ASTN2: variants seen among roughly 807,000 people sequenced by gnomAD.
ASTN2 encodes astrotactin-2.
ASTN2 carries 54 observed loss-of-function variants against 139.8 expected under a neutral mutation model. The observed-to-expected ratio is 0.39, with a 90% CI of 0.31 to 0.48. The LOEUF (loss-of-function observed/expected upper bound fraction) is 0.48, where lower values mean the gene tolerates loss of function less well. Ranked by LOEUF, ASTN2 falls within the 20% of genes least tolerant of loss-of-function variation. The pLI, the probability that ASTN2 is intolerant of heterozygous loss-of-function variation, is 0.95. For synonymous variants in ASTN2, 756 were observed against 719.5 expected (o/e 1.05, Z -0.81); for missense variants, 1,565 against 1,725.1 (o/e 0.91, Z 1.64).
chr9:117,234,852 A>G (rs1299172171), intron 2 of ASTN2, among the ~76,000 whole-genome samples: 3 of 152,196 alleles, frequency 2.0e-5, no homozygotes, highest in Non-Finnish European at 4.4e-5. Flanking sequence ...GTCAGACTCA[A>G]GACAGAAAGC....
In ASTN2 at chr9:116,458,672, T is replaced by TA. The variant is rs538486908; in HGVS notation, c.3498-16120dup. Reference sequence around the variant, plus strand: ...GTATTAAAAACTGTATTTACAGAATTAAAAAAAACACTTAGGAATAAATTT... The same window carrying TA: ...GTATTAAAAACTGTATTTACAGAATTAAAAAAAAACACTTAGGAATAAATTT... On this transcript the variant is annotated intron_variant, in intron 20 of 22. Coordinates refer to ENST00000313400, the MANE Select transcript of ASTN2 (RefSeq NM_001365068.1). Among the ~76,000 whole-genome samples, 269 of 151,694 alleles carry TA rather than the reference T, an allele frequency of 1.8e-3. 1 individual carries two copies. Among genetic ancestry groups the TA allele is most frequent in the Middle Eastern group, 6.8e-3 (2 of 292 alleles).
rs534847954 is a variant in ASTN2, at chr9:116,737,998, C to G, written c.2397-4475G>C. Among the ~76,000 whole-genome samples the G allele has an allele frequency of 2.4e-3, 356 of 150,444 alleles. 2 individuals are homozygous for G. The highest frequency in any genetic ancestry group is 8.0e-3 in the African/African-American group (326 of 40,922). ...ACGAGGTCAGGAGATCGAGACCATC[C>G]TGGCTAACACGGTGAAACCCCGTCT... On this transcript the variant is annotated intron_variant, in intron 13 of 22. Transcript: ENST00000313400.
chr9:117,001,043 G>C (rs1837177479), intron 7 of ASTN2, among the ~76,000 whole-genome samples: 1 of 152,136 alleles, frequency 6.6e-6, no homozygotes, highest in African/African-American at 2.4e-5. Flanking sequence ...AATGGGCTGT[G>C]GCATGCAGCC....
chr9:116,834,142 C>T (rs377689578), intron 11 of ASTN2, among the ~76,000 whole-genome samples: 6 of 152,210 alleles, frequency 3.9e-5, no homozygotes, highest in Non-Finnish European at 8.8e-5. Flanking sequence ...TTGATTCTAT[C>T]GTGGTCAGAG....
rs375917630 is a variant in ASTN2, at chr9:116,895,880, TA to T, written c.1890-32148del. 2.0e-4 allele frequency among the ~76,000 whole-genome samples: 31 copies of T among 152,020 alleles called. 1 individual carries two copies. The highest frequency in any genetic ancestry group is 6.8e-4 in the African/African-American group (28 of 41,480). ...TTATTATTTTAGTCATGTCTTTACA[TA>T]AAAAAAGGGAGTGGAATTAGGTTAT... On this transcript the variant is annotated intron_variant, in intron 10 of 22. Transcript: ENST00000313400.
At chr9:116,873,491 T>C (rs1240156243) in intron 10 of ASTN2, among the ~76,000 whole-genome samples, 1 of 152,038 alleles carries the variant, frequency 6.6e-6, no homozygotes, top group African/African-American at 2.4e-5. Context: ...AGGCCTCCAG[T>C]GCAGAGGGTG....
intron 2 of ASTN2, among the ~76,000 whole-genome samples, chr9:117,245,599 G>A (rs536777269): frequency 6.6e-6 from 1 of 152,308 alleles, no homozygotes; most frequent in Admixed American, 6.5e-5. Flanking sequence ...AGGGCCAGGA[G>A]GCAGAAGGTC....
rs146435139 is a variant in ASTN2, at chr9:116,573,813, C to G, written c.3355+44511G>C. 6.4e-4 allele frequency among the ~76,000 whole-genome samples: 97 copies of G among 152,294 alleles called. 1 individual carries two copies. Among genetic ancestry groups the G allele is most frequent in the East Asian group, 2.1e-3 (11 of 5,194 alleles). On this transcript the variant is annotated intron_variant, in intron 19 of 22. Transcript: ENST00000313400. ...TGACAGCAACACTCAATACCAGGCA[C>G]CTCTCTATAAACCATATACAACTTC...
At chr9:116,724,904 C>A (rs60477877) in intron 16 of ASTN2, among the ~76,000 whole-genome samples, 19,440 of 152,154 alleles carry the variant, frequency 0.13, 1,451 homozygotes, top group Non-Finnish European at 0.17. Context: ...GCCTTGGGTT[C>A]CAATCCTGAC....
chr9:116,646,655 A>C (rs1857604216), intron 17 of ASTN2, among the ~76,000 whole-genome samples: 1 of 152,046 alleles, frequency 6.6e-6, no homozygotes, highest in African/African-American at 2.4e-5. Context: ...CTGTCATGAC[A>C]CTTTAAACAG....
At chr9:117,238,607 G>C (rs1040785359) in intron 2 of ASTN2, among the ~76,000 whole-genome samples, 8 of 152,200 alleles carry the variant, frequency 5.3e-5, no homozygotes, top group Admixed American at 1.3e-4. Flanking sequence ...AGCACCTTCA[G>C]TGATGAGAAA....
At chr9:117,228,088 C>T (rs1832772114) in intron 2 of ASTN2, among the ~76,000 whole-genome samples, 1 of 152,054 alleles carries the variant, frequency 6.6e-6, no homozygotes, top group Non-Finnish European at 1.5e-5. Flanking sequence ...GCCTCAGTTT[C>T]CCCAGGTTTA....
intron 4 of ASTN2, among the ~76,000 whole-genome samples, chr9:117,138,520 G>A (rs1830003240): frequency 6.6e-6 from 1 of 152,224 alleles, no homozygotes; most frequent in Non-Finnish European, 1.5e-5. Flanking sequence ...GCAAGCCAAG[G>A]TGCAGAGCTT....
chr9:117,121,396 C>A (rs1829554181), intron 4 of ASTN2, among the ~76,000 whole-genome samples: 1 of 152,176 alleles, frequency 6.6e-6, no homozygotes, highest in South Asian at 2.1e-4. Context: ...GCCATAACAT[C>A]CCTTGCAAAA....
At chr9:117,043,570 T>A (rs1047112177) in intron 5 of ASTN2, among the ~76,000 whole-genome samples, 1 of 152,112 alleles carries the variant, frequency 6.6e-6, no homozygotes, top group Non-Finnish European at 1.5e-5. Context: ...CTAAATTGTG[T>A]CTCCTATGTC....
At chr9:116,556,503 G>A (rs58703270) in intron 19 of ASTN2, among the ~76,000 whole-genome samples, 24,134 of 152,124 alleles carry the variant, frequency 0.16, 2,079 homozygotes, top group African/African-American at 0.21. Flanking sequence ...CCCAGAGGCT[G>A]TTGAGAAGGA....
At chr9:117,358,733 A>T (rs997639004) in intron 1 of ASTN2, among the ~76,000 whole-genome samples, 2 of 152,106 alleles carry the variant, frequency 1.3e-5, no homozygotes, top group Non-Finnish European at 2.9e-5. Context: ...CTGCTGGAGA[A>T]ATGCAATCTC....
chr9:117,119,972 A>G (rs540644486), intron 4 of ASTN2, among the ~76,000 whole-genome samples: 1 of 133,008 alleles, frequency 7.5e-6, no homozygotes, highest in African/African-American at 2.7e-5. Context: ...TCATATATAG[A>G]TATCTCTATA....
chr9:117,305,278 G>T (rs890397704), intron 1 of ASTN2, among the ~76,000 whole-genome samples: 4 of 152,154 alleles, frequency 2.6e-5, no homozygotes, highest in Admixed American at 6.6e-5. Context: ...GTCATTGGAG[G>T]CAGTAAAAGG....
Sources: allele counts gnomAD v4.1 joint callset (sites outside exome capture counted in the v4.1 genomes callset), GRCh38; gene constraint gnomAD v4.1.1; transcripts MANE v1.5; gene names NCBI Gene and HGNC (gene_info 2026-07-23, HGNC 2026-07-21).